The following GREB1L variants were observed in gnomAD, a reference collection of about 807,000 sequenced individuals.
GREB1L encodes the protein GREB1 like retinoic acid receptor coactivator, also known as GREB1-like protein.
A neutral mutation model predicts 200.8 loss-of-function variants in GREB1L; 17 were observed. That is an observed-to-expected ratio of 0.08 (90% CI 0.06 to 0.13). The LOEUF (loss-of-function observed/expected upper bound fraction) is 0.13. GREB1L is among the 10% of genes least tolerant of loss of function. The probability of loss-of-function intolerance (pLI) is 1.00; values close to 1 mark genes in which losing one functional copy is unlikely to be tolerated. For synonymous variants in GREB1L, 789 were observed against 893.0 expected, an observed-to-expected ratio of 0.88 and a Z score of 2.08; for missense variants, 1,657 against 2,367.7, an observed-to-expected ratio of 0.70 and a Z score of 6.23.
chr18:21,495,040 C>T (rs555233686), intron 19 of GREB1L, among the ~76,000 whole-genome samples: 5 of 152,068 alleles, frequency 3.3e-5, no homozygotes, highest in East Asian at 1.9e-4. Flanking sequence ...GGGGCAGTTT[C>T]GTTTTGTTGT....
intron 7 of GREB1L, among the ~76,000 whole-genome samples, chr18:21,421,938 C>T (rs1297996299): frequency 1.3e-5 from 2 of 151,910 alleles, no homozygotes; most frequent in Non-Finnish European, 2.9e-5. Context: ...TTTCTTTAGC[C>T]ACAATGTGAC....
chr18:21,500,027 A>G lies in GREB1L; in HGVS notation c.3690A>G (p.Pro1230=), dbSNP rs1158502059. ...GCRGPQAALP[P]VVILSKAAYS... ...GGGGCCCACAGGCAGCCCTGCCACCAGTGGTGATCCTATCCAAAGCGGCCT... is the reference window on the plus strand; with the variant it reads ...GGGGCCCACAGGCAGCCCTGCCACCGGTGGTGATCCTATCCAAAGCGGCCT... Residue 1230 remains proline, a synonymous_variant, in exon 22 of 33, where the codon CCA becomes CCG. Transcript: ENST00000424526. 2 of 1,551,420 alleles carry G rather than the reference A, an allele frequency of 1.3e-6. No homozygotes were observed. Among genetic ancestry groups the G allele is most frequent in the East Asian group, 2.4e-5 (1 of 40,908 alleles).
chr18:21,313,147 A>C (rs1237269936), intron 1 of GREB1L, among the ~76,000 whole-genome samples: 1 of 151,780 alleles, frequency 6.6e-6, no homozygotes, highest in Non-Finnish European at 1.5e-5. Flanking sequence ...AACAGAGAAG[A>C]TTTTAATATT....
intron 17 of GREB1L, among the ~76,000 whole-genome samples, chr18:21,484,693 G>T (rs918618396): frequency 4.5e-4 from 69 of 151,992 alleles, no homozygotes; most frequent in African/African-American, 1.6e-3. Context: ...CGTGGTGGTG[G>T]GTGCCTGTAA....
At chr18:21,295,119 T>G (rs990296546) in intron 1 of GREB1L, among the ~76,000 whole-genome samples, 3 of 152,206 alleles carry the variant, frequency 2.0e-5, no homozygotes, top group African/African-American at 7.2e-5. Flanking sequence ...TAAAAATGTC[T>G]CTTCTTTTTC....
chr18:21,508,299 C>G lies in GREB1L; in HGVS notation c.4530+20C>G, dbSNP rs761303220. On this transcript the variant is annotated intron_variant, in intron 26 of 32. Coordinates refer to ENST00000424526, the MANE Select transcript of GREB1L (RefSeq NM_001142966.3). Reference sequence around the variant, plus strand: ...GACAAGGTGGGTGAGAGCATCTGGACTGGCAGGCACCAGACCTAGTTCTTT... The same window carrying G: ...GACAAGGTGGGTGAGAGCATCTGGAGTGGCAGGCACCAGACCTAGTTCTTT... 27 of 1,551,526 alleles carry G rather than the reference C, an allele frequency of 1.7e-5. No individual in the cohort carries two copies. The highest frequency in any genetic ancestry group is 2.3e-5 in the Non-Finnish European group (26 of 1,146,952).
At chr18:21,318,121 AAAAAC>A (rs1442211757) in intron 1 of GREB1L, among the ~76,000 whole-genome samples, 5 of 151,738 alleles carry the variant, frequency 3.3e-5, no homozygotes, top group Non-Finnish European at 5.9e-5. Flanking sequence ...AAAAAAAAAA[AAAAAC>A]AAAGAGAGAA....
At chr18:21,320,566 A>C (rs924849147) in intron 1 of GREB1L, among the ~76,000 whole-genome samples, 18 of 151,996 alleles carry the variant, frequency 1.2e-4, no homozygotes, top group Non-Finnish European at 2.2e-4. Flanking sequence ...GATTGAGACC[A>C]TCCTGGCTAA....
chr18:21,482,319 A>G (rs1476980194), intron 17 of GREB1L, among the ~76,000 whole-genome samples: 1 of 152,234 alleles, frequency 6.6e-6, no homozygotes, highest in African/African-American at 2.4e-5. Flanking sequence ...GTGCAGTGGC[A>G]CGATCTCAGC....
intron 1 of GREB1L, among the ~76,000 whole-genome samples, chr18:21,296,039 A>G (rs930899026): frequency 6.6e-5 from 10 of 152,242 alleles, no homozygotes; most frequent in African/African-American, 2.4e-4. Context: ...AGAACTTAAA[A>G]TAGAACTACA....
intron 1 of GREB1L, among the ~76,000 whole-genome samples, chr18:21,273,460 ATATT>A (rs1201718995): frequency 4.6e-5 from 7 of 152,166 alleles, no homozygotes; most frequent in Admixed American, 4.6e-4. Context: ...TTTATTAATA[ATATT>A]TGTCATACTT....
chr18:21,293,717 A>G (rs936951085), intron 1 of GREB1L, among the ~76,000 whole-genome samples: 1 of 152,250 alleles, frequency 6.6e-6, no homozygotes, highest in Non-Finnish European at 1.5e-5. Flanking sequence ...GCTAGGCTCT[A>G]GGAATGAATA....
chr18:21,386,806 G>A (rs2040563290), intron 4 of GREB1L, among the ~76,000 whole-genome samples: 1 of 152,090 alleles, frequency 6.6e-6, no homozygotes, highest in South Asian at 2.1e-4. Flanking sequence ...CGCCCAGCCA[G>A]TAGCTCTTTC....
At chr18:21,478,728 T>C (rs896652239) in intron 17 of GREB1L, among the ~76,000 whole-genome samples, 4 of 152,204 alleles carry the variant, frequency 2.6e-5, no homozygotes, top group South Asian at 2.1e-4. Flanking sequence ...CAGCCATTCA[T>C]TGGGCAGTTG....
chr18:21,341,608 A>G (rs1008885247), intron 1 of GREB1L, among the ~76,000 whole-genome samples: 3 of 152,124 alleles, frequency 2.0e-5, no homozygotes, highest in Admixed American at 6.6e-5. Context: ...CCTGGCCTCA[A>G]GGGATCCTCC....
At chr18:21,354,695 T>C (rs532529355) in intron 1 of GREB1L, among the ~76,000 whole-genome samples, 10 of 152,286 alleles carry the variant, frequency 6.6e-5, no homozygotes, top group Admixed American at 3.9e-4. Flanking sequence ...TTAGGAGCCA[T>C]GCTTGAGTTG....
At chr18:21,503,589 A>T (rs1042149717) in intron 23 of GREB1L, among the ~76,000 whole-genome samples, 4 of 139,016 alleles carry the variant, frequency 2.9e-5, no homozygotes, top group African/African-American at 1.1e-4. Flanking sequence ...TATTATTATT[A>T]TTTTTGAGAT....
intron 16 of GREB1L, among the ~76,000 whole-genome samples, chr18:21,475,448 C>G (rs1455656344): frequency 6.6e-6 from 1 of 152,100 alleles, no homozygotes; most frequent in Non-Finnish European, 1.5e-5. Context: ...CAACCCCCGC[C>G]TTCCGGGTTC....
intron 4 of GREB1L, among the ~76,000 whole-genome samples, chr18:21,387,325 TG>T (rs1261834840): frequency 6.6e-6 from 1 of 152,248 alleles, no homozygotes; most frequent in Non-Finnish European, 1.5e-5. Context: ...AATCTTTGGC[TG>T]TTTTCTTAAG....
Sources: gnomAD v4.1 joint callset for allele counts (sites outside exome capture counted in the v4.1 genomes callset) on GRCh38, gnomAD v4.1.1 for gene constraint, MANE v1.5 for transcripts, NCBI Gene and HGNC (gene_info 2026-07-23, HGNC 2026-07-21) for gene names.